The following UBXN2B variants were observed in gnomAD, a reference collection of about 807,000 sequenced individuals.
UBXN2B encodes UBX domain protein 2B, also known as UBX domain-containing protein 2B.
UBXN2B carries 19 observed loss-of-function variants against 37.5 expected under a neutral mutation model. The ratio of observed to expected loss-of-function variants is 0.51; its 90% CI spans 0.35 to 0.74. The LOEUF (loss-of-function observed/expected upper bound fraction) is 0.74. UBXN2B is among the 30% of genes least tolerant of loss of function. UBXN2B has a pLI of 0.01. For synonymous variants in UBXN2B, 145 were observed against 143.8 expected, an observed-to-expected ratio of 1.01 and a Z score of -0.06; for missense variants, 370 against 393.2, an observed-to-expected ratio of 0.94 and a Z score of 0.50.
Position 58,446,024 on chromosome 8 carries a change from A to G in UBXN2B, c.789A>G (p.Leu263=). ...SVPTTKIQIR[L]ADGSRLIQRF... is the part of the protein sequence containing the mutation. ...CAACAACAAAAATTCAAATCAGGTT[A>G]GCAGATGGGAGTCGTTTGATACAAA... Residue 263 remains leucine (L), a synonymous_variant, in exon 7 of 8, where the codon TTA becomes TTG. Transcript: ENST00000399598. The G allele has an allele frequency of 1.9e-6, 3 of 1,613,098 alleles. No individual in the cohort carries two copies. Among genetic ancestry groups the G allele is most frequent in the Non-Finnish European group, 2.5e-6 (3 of 1,179,724 alleles).
At chr8:58,424,004 A>G (rs1808005592) in intron 2 of UBXN2B, among the ~76,000 whole-genome samples, 1 of 152,006 alleles carries the variant, frequency 6.6e-6, no homozygotes, top group Non-Finnish European at 1.5e-5. Context: ...CTTCAATGCC[A>G]ATGCAAAGGT....
intron 6 of UBXN2B, among the ~76,000 whole-genome samples, chr8:58,442,315 A>G (rs1808568900): frequency 6.6e-6 from 1 of 152,252 alleles, no homozygotes; most frequent in Non-Finnish European, 1.5e-5. Flanking sequence ...TCTAAAGTGA[A>G]GAATTACATA....
intron 6 of UBXN2B, 48 bp downstream of exon 6, chr8:58,439,818 T>A (rs746771324): frequency 6.4e-7 from 1 of 1,553,738 alleles, no homozygotes; most frequent in Admixed American, 2.2e-5. Context: ...CATGAATTTT[T>A]CTTTGAGAAT....
rs776901069 is a variant in UBXN2B, at chr8:58,416,869, A to G, written c.104A>G (p.Tyr35Cys). The G allele has an allele frequency of 1.9e-6, 3 of 1,612,348 alleles. No individual in the cohort carries two copies. Residue 35 changes from tyrosine (Y) to cysteine (C), a missense_variant, in exon 2 of 8, where the codon TAT becomes TGT. Tyr to Cys is a radical substitution (Grantham distance 194). Coordinates refer to ENST00000399598, the MANE Select transcript of UBXN2B (RefSeq NM_001077619.2). Reference sequence around the variant, plus strand: ...ATGTAGTTGGCCTTGGCAGAATTGTATGAAGATGAAGTGAAGTGCAAATCT... The same window carrying G: ...ATGTAGTTGGCCTTGGCAGAATTGTGTGAAGATGAAGTGAAGTGCAAATCT... ...RDLQLALAELYEDEVKCKSSK... is the reference protein window; with the variant it reads ...RDLQLALAELCEDEVKCKSSK...
intron 5 of UBXN2B, among the ~76,000 whole-genome samples, chr8:58,438,278 C>T (rs1456873958): frequency 6.6e-6 from 1 of 152,168 alleles, no homozygotes; most frequent in Non-Finnish European, 1.5e-5. Flanking sequence ...GGTTGGAGCC[C>T]CCAGACAGAG....
At chr8:58,443,597 A>G (rs1424416912) in intron 6 of UBXN2B, among the ~76,000 whole-genome samples, 2 of 150,940 alleles carry the variant, frequency 1.3e-5, no homozygotes, top group Non-Finnish European at 2.9e-5. Context: ...ATTCAAGACC[A>G]GCCTGGCCAA....
intron 1 of UBXN2B, among the ~76,000 whole-genome samples, chr8:58,412,649 A>G (rs1183599961): frequency 6.6e-6 from 1 of 152,204 alleles, no homozygotes; most frequent in African/African-American, 2.4e-5. Flanking sequence ...ATAAACCCAC[A>G]TCACTAAGAG....
chr8:58,424,786 A>G (rs1001758006), intron 2 of UBXN2B: 3 of 1,447,572 alleles, frequency 2.1e-6, no homozygotes, highest in African/African-American at 1.4e-5. Context: ...CTCTTCTTCA[A>G]TCCTGCGCTG....
chr8:58,415,036 A>G (rs1205701228), intron 1 of UBXN2B, among the ~76,000 whole-genome samples: 1 of 152,160 alleles, frequency 6.6e-6, no homozygotes, highest in African/African-American at 2.4e-5. Flanking sequence ...TATATAATTC[A>G]ACGTCAATTT....
chr8:58,421,862 G>A (rs1807934337), intron 2 of UBXN2B, among the ~76,000 whole-genome samples: 1 of 152,200 alleles, frequency 6.6e-6, no homozygotes, highest in South Asian at 2.1e-4. Flanking sequence ...CCTTGTGGAG[G>A]GAAATCTAAA....
In UBXN2B at chr8:58,447,415, TAC is replaced by T. The variant is rs768321689; in HGVS notation, c.862_863del (p.Gln288ValfsTer4). 10 of 1,609,732 alleles carry T rather than the reference TAC, an allele frequency of 6.2e-6. No individual in the cohort carries two copies. Reference sequence around the variant, plus strand: ...ATCCTGGATGTCCGGAACTTTATTGTACAGTCTCGTCCTGAATTTGCGGCTCT... The same window carrying T: ...ATCCTGGATGTCCGGAACTTTATTGTAGTCTCGTCCTGAATTTGCGGCTCT... On this transcript the variant is annotated frameshift_variant, in exon 8 of 8. Transcript: ENST00000399598. LOFTEE classifies it high-confidence loss of function.
chr8:58,429,183 G>T (rs1246413360), intron 2 of UBXN2B, among the ~76,000 whole-genome samples: 1 of 152,224 alleles, frequency 6.6e-6, no homozygotes, highest in East Asian at 1.9e-4. Context: ...GATTAGAGAT[G>T]TGGAAAGCCT....
intron 3 of UBXN2B, among the ~76,000 whole-genome samples, chr8:58,431,448 T>C (rs1011555418): frequency 6.6e-6 from 1 of 152,232 alleles, no homozygotes; most frequent in Non-Finnish European, 1.5e-5. Flanking sequence ...TATATAGATA[T>C]ACCACAGTTT....
intron 6 of UBXN2B, among the ~76,000 whole-genome samples, chr8:58,445,469 T>C (rs1294628737): frequency 1.3e-5 from 2 of 152,186 alleles, no homozygotes; most frequent in African/African-American, 4.8e-5. Context: ...TATTAAGGAC[T>C]TACTGGTATA....
At chr8:58,422,489 A>G (rs1807954709) in intron 2 of UBXN2B, among the ~76,000 whole-genome samples, 2 of 152,250 alleles carry the variant, frequency 1.3e-5, no homozygotes, top group Non-Finnish European at 2.9e-5. Flanking sequence ...TCCACACTCG[A>G]TGATTCAACA....
intron 1 of UBXN2B, among the ~76,000 whole-genome samples, chr8:58,414,024 CG>C (rs1314476510): frequency 6.6e-6 from 1 of 152,122 alleles, no homozygotes; most frequent in Non-Finnish European, 1.5e-5. Context: ...ATAGGTTGGA[CG>C]GGGAGGGAGT....
intron 1 of UBXN2B, 49 bp from the exon 2 acceptor site, chr8:58,416,801 A>C: frequency 6.6e-7 from 1 of 1,519,880 alleles, no homozygotes; most frequent in Non-Finnish European, 9.0e-7. Context: ...GTTGTATGGA[A>C]GAGGTTATTC....
At chr8:58,432,375 C>CGTT (rs1554552059) in intron 3 of UBXN2B, among the ~76,000 whole-genome samples, 166 of 81,504 alleles carry the variant, frequency 2.0e-3, no homozygotes, top group Non-Finnish European at 2.9e-3. Flanking sequence ...TTCTAAATTT[C>CGTT]TTTTTTTTTT....
Position 58,426,111 on chromosome 8 carries a change from C to T in UBXN2B, c.189-4408C>T, listed in dbSNP as rs530534891. ...TCTCCATTCTTCTCTTTTAATTGCC[C>T]GTGATGTTCTGTGTAATGCCGGACC... On this transcript the variant is annotated intron_variant, in intron 2 of 7. Transcript: ENST00000399598. 8.9e-6 allele frequency: 12 copies of T among 1,346,358 alleles called. No individual in the cohort carries two copies. The East Asian group carries it at 1.1e-4, about 13-fold the overall frequency. The allele number at this position is 1,346,358 out of a possible 1,614,324, so 83.4% of individuals were successfully genotyped here.
Sources: allele counts gnomAD v4.1 joint callset (sites outside exome capture counted in the v4.1 genomes callset), GRCh38; gene constraint gnomAD v4.1.1; transcripts MANE v1.5; gene names NCBI Gene and HGNC (gene_info 2026-07-23, HGNC 2026-07-21).